Variants in PPFIA2 observed in about 807,000 individuals in gnomAD.
PPFIA2 encodes the protein PPFI scaffold protein A2.
PPFIA2 carries 46 observed loss-of-function variants against 175.5 expected under a neutral mutation model. That is an observed-to-expected ratio of 0.26 (90% confidence interval 0.21 to 0.34). The LOEUF (loss-of-function observed/expected upper bound fraction) is 0.34. Ranked by LOEUF, PPFIA2 falls within the 10% of genes least tolerant of loss-of-function variation. The pLI is 1.00. For synonymous variants in PPFIA2, 568 were observed against 511.4 expected (o/e 1.11, Z -1.49); for missense variants, 1,179 against 1,506.1 (o/e 0.78, Z 3.60).
intron 4 of PPFIA2, among the ~76,000 whole-genome samples, chr12:81,573,320 G>A (rs1160151093): frequency 6.6e-6 from 1 of 151,806 alleles, no homozygotes; most frequent in African/African-American, 2.4e-5. Flanking sequence ...GTACATAGCT[G>A]TCATTCACAT....
At chr12:81,530,285 G>A (rs1489744558) in intron 4 of PPFIA2, among the ~76,000 whole-genome samples, 8 of 151,864 alleles carry the variant, frequency 5.3e-5, no homozygotes, top group Admixed American at 4.6e-4. Flanking sequence ...GCAAAGCTTT[G>A]ACAGATATTC....
chr12:81,677,954 A>G (rs1321605483), intron 3 of PPFIA2, among the ~76,000 whole-genome samples: 1 of 151,902 alleles, frequency 6.6e-6, no homozygotes, highest in Non-Finnish European at 1.5e-5. Flanking sequence ...TAGGTTTTAA[A>G]GTAAAATCAC....
intron 4 of PPFIA2, among the ~76,000 whole-genome samples, chr12:81,553,689 GC>G (rs1567303181): frequency 6.6e-6 from 1 of 152,042 alleles, no homozygotes. Flanking sequence ...CTTGACACCA[GC>G]CCATCAAAGA....
intron 29 of PPFIA2, 74 bp from the exon 30 acceptor site, chr12:81,267,094 CT>C: frequency 9.1e-7 from 1 of 1,098,652 alleles, no homozygotes; most frequent in Non-Finnish European, 1.4e-6. Flanking sequence ...TTATATTTAT[CT>C]GATAATGTAT....
At chr12:81,725,779 A>G (rs961458642) in intron 3 of PPFIA2, among the ~76,000 whole-genome samples, 2 of 150,942 alleles carry the variant, frequency 1.3e-5, no homozygotes, top group African/African-American at 2.4e-5. Context: ...AAGGGGGAGG[A>G]GAAAGAATGG....
intron 4 of PPFIA2, among the ~76,000 whole-genome samples, chr12:81,652,923 CTA>C (rs2067233355): frequency 6.6e-6 from 1 of 152,068 alleles, no homozygotes; most frequent in South Asian, 2.1e-4. Context: ...TCATGAGCAT[CTA>C]TCCAGTAGTT....
At position 81,375,910 on chromosome 12, in the gene PPFIA2, T is replaced by C; in HGVS notation, c.1017A>G (p.Arg339=). ...GGTAACGCTTTTCAAGGGTTGTAAT[T>C]CTTTCTTCCATATCTTCCTTTTGTG... ...AMAQKEDMEE[R]ITTLEKRYLS... is the part of the protein sequence containing the mutation. Residue 339 remains arginine, a synonymous_variant, in exon 10 of 33, where the codon AGA becomes AGG. Coordinates refer to ENST00000549396, the MANE Select transcript of PPFIA2 (RefSeq NM_003625.5). The C allele has an allele frequency of 6.2e-7, 1 of 1,613,422 alleles. No homozygotes were observed. Among genetic ancestry groups the C allele is most frequent in the Non-Finnish European group, 8.5e-7 (1 of 1,179,518 alleles).
intron 19 of PPFIA2, among the ~76,000 whole-genome samples, chr12:81,342,150 T>A (rs765863534): frequency 6.6e-6 from 1 of 152,104 alleles, no homozygotes; most frequent in Non-Finnish European, 1.5e-5. Context: ...GAATCCAGAA[T>A]GACTCAGGAT....
At chr12:81,738,051 C>T (rs184591876) in intron 3 of PPFIA2, among the ~76,000 whole-genome samples, 11 of 151,248 alleles carry the variant, frequency 7.3e-5, no homozygotes, top group South Asian at 4.2e-4. Flanking sequence ...AAAACAAATA[C>T]GTTTTAAGTA....
intron 22 of PPFIA2, among the ~76,000 whole-genome samples, chr12:81,323,979 G>C (rs760802646): frequency 5.9e-5 from 9 of 151,976 alleles, no homozygotes; most frequent in Non-Finnish European, 7.4e-5. Context: ...TAATCCATGG[G>C]AAATAATCGT....
intron 4 of PPFIA2, among the ~76,000 whole-genome samples, chr12:81,551,866 C>A (rs190180324): frequency 7.5e-4 from 114 of 151,890 alleles, no homozygotes; most frequent in Non-Finnish European, 1.3e-3. Context: ...CAAGGTGATA[C>A]TGTGGAATCT....
chr12:81,643,755 A>C (rs892271273), intron 4 of PPFIA2, among the ~76,000 whole-genome samples: 59 of 152,154 alleles, frequency 3.9e-4, no homozygotes, highest in African/African-American at 1.4e-3. Context: ...TTCATTATAA[A>C]ATATTTTATT....
chr12:81,422,909 T>C (rs1566763182), intron 7 of PPFIA2, among the ~76,000 whole-genome samples: 2 of 151,932 alleles, frequency 1.3e-5, no homozygotes, highest in South Asian at 4.1e-4. Context: ...CCAAAATTAA[T>C]AAATTTAATA....
At chr12:81,277,185 A>C (rs1447278950) in intron 28 of PPFIA2, 132 bp downstream of exon 28, 8 of 696,622 alleles carry the variant, frequency 1.1e-5, no homozygotes, top group African/African-American at 7.4e-5. Flanking sequence ...TGGAAAAAAA[A>C]CAGTAACAAT....
At chr12:81,297,481 G>A (rs2046771542) in intron 23 of PPFIA2, among the ~76,000 whole-genome samples, 1 of 152,118 alleles carries the variant, frequency 6.6e-6, no homozygotes, top group Admixed American at 6.6e-5. Flanking sequence ...AAAAGAAGGG[G>A]AAGATCTAAG....
chr12:81,432,674 G>T (rs536006016), intron 7 of PPFIA2, among the ~76,000 whole-genome samples: 9 of 151,990 alleles, frequency 5.9e-5, no homozygotes, highest in African/African-American at 2.2e-4. Flanking sequence ...GGTCAGGCTG[G>T]TCTTGAACTC....
intron 7 of PPFIA2, among the ~76,000 whole-genome samples, chr12:81,436,159 T>C (rs1057170911): frequency 2.6e-5 from 4 of 151,122 alleles, no homozygotes; most frequent in South Asian, 2.1e-4. Context: ...CATGCAACTG[T>C]AGTCCCAGCT....
At chr12:81,708,297 G>T (rs1207499910) in intron 3 of PPFIA2, among the ~76,000 whole-genome samples, 2 of 151,736 alleles carry the variant, frequency 1.3e-5, no homozygotes, top group African/African-American at 2.4e-5. Flanking sequence ...ACAGAGGGTG[G>T]TATATAATTT....
intron 7 of PPFIA2, among the ~76,000 whole-genome samples, chr12:81,437,818 T>TGA (rs2049360144): frequency 1.3e-5 from 2 of 152,140 alleles, no homozygotes; most frequent in African/African-American, 4.8e-5. Flanking sequence ...CACCCCATCC[T>TGA]GAAGATAATT....
Sources: allele counts gnomAD v4.1 joint callset (sites outside exome capture counted in the v4.1 genomes callset), GRCh38; gene constraint gnomAD v4.1.1; transcripts MANE v1.5; gene names NCBI Gene and HGNC (gene_info 2026-07-23, HGNC 2026-07-21).